The following ARHGAP42 variants were observed in gnomAD, a reference collection of about 807,000 sequenced individuals.
ARHGAP42 encodes rho GTPase-activating protein 42.
A neutral mutation model predicts 125.0 loss-of-function variants in ARHGAP42; 63 were observed. The ratio of observed to expected loss-of-function variants is 0.50; its 90% CI spans 0.41 to 0.62. The LOEUF (loss-of-function observed/expected upper bound fraction) is 0.62, where lower values mean the gene tolerates loss of function less well. Ranked by LOEUF, ARHGAP42 falls within the 20% of genes least tolerant of loss-of-function variation. The pLI, the probability that ARHGAP42 is intolerant of heterozygous loss-of-function variation, is 0.00. For missense variants in ARHGAP42, 766 were observed against 1,024.2 expected (o/e 0.75, Z 3.44); for synonymous variants, 339 against 351.0 (o/e 0.97, Z 0.38).
chr11:100,775,995 A>C (rs2134999001), intron 2 of ARHGAP42, among the ~76,000 whole-genome samples: 1 of 152,092 alleles, frequency 6.6e-6, no homozygotes, highest in Non-Finnish European at 1.5e-5. Flanking sequence ...CCCCATCTCT[A>C]CTCAAAATAC....
intron 17 of ARHGAP42, among the ~76,000 whole-genome samples, chr11:100,971,159 C>T (rs1194398921): frequency 6.6e-6 from 1 of 152,014 alleles, no homozygotes; most frequent in Non-Finnish European, 1.5e-5. Flanking sequence ...AGTAGATTTG[C>T]TTGAACAAAT....
chr11:100,774,812 T>C (rs753142657), intron 2 of ARHGAP42, among the ~76,000 whole-genome samples: 2 of 152,228 alleles, frequency 1.3e-5, no homozygotes, highest in African/African-American at 2.4e-5. Flanking sequence ...GGCCTGTACA[T>C]CTGTCCCAAC....
At chr11:100,943,313 T>G (rs908440674) in intron 9 of ARHGAP42, among the ~76,000 whole-genome samples, 1 of 152,008 alleles carries the variant, frequency 6.6e-6, no homozygotes, top group African/African-American at 2.4e-5. Flanking sequence ...TTTAAGGCTC[T>G]AATACAAAGA....
chr11:100,862,925 T>C (rs1246064317), intron 4 of ARHGAP42, among the ~76,000 whole-genome samples: 1 of 151,302 alleles, frequency 6.6e-6, no homozygotes, highest in East Asian at 1.9e-4. Flanking sequence ...TAATCCCAGC[T>C]ACTCGGGAGG....
intron 6 of ARHGAP42, among the ~76,000 whole-genome samples, chr11:100,928,913 C>T (rs543300308): frequency 8.7e-4 from 132 of 152,266 alleles, no homozygotes; most frequent in Non-Finnish European, 1.6e-3. Flanking sequence ...ATGCGGTTTT[C>T]GAGGTTCATC....
chr11:100,818,659 T>G (rs1415980095), intron 3 of ARHGAP42, among the ~76,000 whole-genome samples: 2 of 152,196 alleles, frequency 1.3e-5, no homozygotes, highest in Non-Finnish European at 2.9e-5. Flanking sequence ...GCTTACATCT[T>G]TTTATATCAA....
At chr11:100,693,564 T>A (rs1391873436) in intron 1 of ARHGAP42, among the ~76,000 whole-genome samples, 1 of 152,168 alleles carries the variant, frequency 6.6e-6, no homozygotes, top group African/African-American at 2.4e-5. Context: ...GCTTAATAGG[T>A]GCCCTTTAAC....
intron 4 of ARHGAP42, among the ~76,000 whole-genome samples, chr11:100,899,721 TG>T (rs1866479762): frequency 1.5e-4 from 11 of 75,476 alleles, no homozygotes; most frequent in East Asian, 5.1e-4. Context: ...TTTTGTGTTT[TG>T]TTTTTTTTTT....
At chr11:100,791,687 A>C (rs7116546) in intron 2 of ARHGAP42, among the ~76,000 whole-genome samples, 2,120 of 144,752 alleles carry the variant, frequency 0.015, 48 homozygotes, top group African/African-American at 0.052. Context: ...AAAAATCAAC[A>C]AAAAAAAAAA....
intron 6 of ARHGAP42, among the ~76,000 whole-genome samples, chr11:100,926,708 A>T (rs1301343621): frequency 6.6e-6 from 1 of 152,230 alleles, no homozygotes; most frequent in East Asian, 1.9e-4. Context: ...CAACCAACAC[A>T]GGTAATGCAC....
chr11:100,749,827 T>C lies in ARHGAP42; in HGVS notation c.155-20516T>C, dbSNP rs546616601. ...TTGTGATCATTCACCCCCACACACA[T>C]TTAGCCCTCTAGAATTTGACCACCA... On this transcript the variant is annotated intron_variant, in intron 1 of 23. Transcript: ENST00000298815. 4.2e-3 allele frequency among the ~76,000 whole-genome samples: 629 copies of C among 151,094 alleles called. 3 individuals carry two copies. Among genetic ancestry groups the C allele is most frequent in the Non-Finnish European group, 6.7e-3 (456 of 67,784 alleles).
chr11:100,820,405 TC>T (rs1376477748), intron 3 of ARHGAP42, among the ~76,000 whole-genome samples: 1 of 152,120 alleles, frequency 6.6e-6, no homozygotes, highest in Admixed American at 6.6e-5. Flanking sequence ...GTAGAGGGAC[TC>T]CTGAATGTTC....
chr11:100,831,023 C>G (rs1341582610), intron 3 of ARHGAP42, among the ~76,000 whole-genome samples: 1 of 152,084 alleles, frequency 6.6e-6, no homozygotes, highest in Non-Finnish European at 1.5e-5. Context: ...TCAATTTAAT[C>G]AAGTATTTGC....
intron 4 of ARHGAP42, among the ~76,000 whole-genome samples, chr11:100,860,346 G>C (rs1865416726): frequency 1.3e-5 from 2 of 151,960 alleles, no homozygotes; most frequent in Admixed American, 1.3e-4. Flanking sequence ...ACGTCTGTCT[G>C]AAATATTTGA....
At chr11:100,948,949 T>C (rs1868099330) in intron 11 of ARHGAP42, among the ~76,000 whole-genome samples, 1 of 152,116 alleles carries the variant, frequency 6.6e-6, no homozygotes, top group Admixed American at 6.6e-5. Context: ...TTAAAAAGTA[T>C]AACTTAATAA....
chr11:100,833,931 C>A (rs1864720702), intron 3 of ARHGAP42, among the ~76,000 whole-genome samples: 1 of 151,992 alleles, frequency 6.6e-6, no homozygotes, highest in Non-Finnish European at 1.5e-5. Flanking sequence ...TTTTAAATAT[C>A]ATTAGGAGGT....
intron 2 of ARHGAP42, among the ~76,000 whole-genome samples, chr11:100,771,261 CAG>C (rs1862971646): frequency 6.6e-6 from 1 of 152,134 alleles, no homozygotes; most frequent in Non-Finnish European, 1.5e-5. Flanking sequence ...CTTTCTGAAA[CAG>C]AAGGATTCAT....
intron 4 of ARHGAP42, among the ~76,000 whole-genome samples, chr11:100,897,046 C>G (rs1866382500): frequency 6.6e-6 from 1 of 152,186 alleles, no homozygotes; most frequent in Non-Finnish European, 1.5e-5. Context: ...CCAGTTTCAG[C>G]TTTCTACATA....
intron 1 of ARHGAP42, among the ~76,000 whole-genome samples, chr11:100,734,767 T>C (rs1018781460): frequency 2.0e-5 from 3 of 152,234 alleles, no homozygotes; most frequent in African/African-American, 4.8e-5. Context: ...CATACTCTAC[T>C]TAACTCACAG....
Sources: allele counts gnomAD v4.1 joint callset (sites outside exome capture counted in the v4.1 genomes callset), GRCh38; gene constraint gnomAD v4.1.1; transcripts MANE v1.5; gene names NCBI Gene and HGNC (gene_info 2026-07-23, HGNC 2026-07-21).